LPCAT1: variants seen among roughly 807,000 people sequenced by gnomAD.
LPCAT1 encodes the protein lysophosphatidylcholine acyltransferase 1.
LPCAT1 carries 23 observed loss-of-function variants against 60.9 expected under a neutral mutation model. The observed-to-expected ratio is 0.38, with a 90% CI of 0.27 to 0.53. The LOEUF (loss-of-function observed/expected upper bound fraction) is 0.53, where lower values mean the gene tolerates loss of function less well. LPCAT1 is among the 20% of genes least tolerant of loss of function. LPCAT1 has a pLI of 0.82. For synonymous variants in LPCAT1, 340 were observed against 301.1 expected (o/e 1.13, Z -1.34); for missense variants, 622 against 723.6 (o/e 0.86, Z 1.61).
chr5:1,467,686 G>A (rs1014251327), intron 12 of LPCAT1, among the ~76,000 whole-genome samples: 11 of 151,004 alleles, frequency 7.3e-5, no homozygotes, highest in African/African-American at 2.5e-4. Context: ...CTCCCTGTGG[G>A]GTGCAGGGTC....
rs749475333 is a variant in LPCAT1 at position 1,501,451 on chromosome 5, C to T, written c.278+10G>A. ...CCCCAGGAGGAGAGCACGGCACACG[C>T]GCAACTTACTTCCTCCACAGGGCCG... On this transcript the variant is annotated intron_variant, in intron 2 of 13. Coordinates refer to ENST00000283415, the MANE Select transcript of LPCAT1 (RefSeq NM_024830.5). 25 of 1,605,158 alleles carry T rather than the reference C, an allele frequency of 1.6e-5. No homozygotes were observed. Among genetic ancestry groups the T allele is most frequent in the African/African-American group, 4.0e-5 (3 of 74,764 alleles).
chr5:1,464,874 TAC>T (rs1553991872), intron 13 of LPCAT1, among the ~76,000 whole-genome samples: 1 of 66,210 alleles, frequency 1.5e-5, no homozygotes, highest in African/African-American at 5.9e-5. Flanking sequence ...CACATGCGTG[TAC>T]ACACAAACAA....
intron 5 of LPCAT1, among the ~76,000 whole-genome samples, chr5:1,484,212 G>C (rs1267331761): frequency 2.0e-5 from 3 of 152,354 alleles, no homozygotes; most frequent in Admixed American, 6.5e-5. Flanking sequence ...GGCCCAGCTA[G>C]AGCCACAGGC....
At chr5:1,507,924 A>G (rs1327630527) in intron 1 of LPCAT1, among the ~76,000 whole-genome samples, 2 of 152,286 alleles carry the variant, frequency 1.3e-5, no homozygotes, top group Admixed American at 1.3e-4. Flanking sequence ...TCCACAAAAC[A>G]CAGCCCAAAT....
chr5:1,522,481 C>A lies in LPCAT1; in HGVS notation c.135+1229G>T, dbSNP rs1249682034. ...CGGGGGCCAGGGCCTGGGAGCCAGG[C>A]TGGGGACGACCTCACCCTGTGTGTC... On this transcript the variant is annotated intron_variant, in intron 1 of 13. Transcript: ENST00000283415. This position sits in a 1 kb window ranked among gnomAD's most constrained non-coding sequence, Gnocchi z 6.8. Among the ~76,000 whole-genome samples the A allele has an allele frequency of 6.6e-6, 1 of 152,092 alleles. No homozygotes were observed. The highest frequency in any genetic ancestry group is 6.5e-5 in the Admixed American group (1 of 15,274).
At chr5:1,490,080 A>C (rs10475026) in intron 3 of LPCAT1, among the ~76,000 whole-genome samples, 38,824 of 152,182 alleles carry the variant, frequency 0.26, 5,496 homozygotes, top group East Asian at 0.43. Flanking sequence ...CCTCAGTGCC[A>C]CAAGTAACAA....
intron 11 of LPCAT1, among the ~76,000 whole-genome samples, chr5:1,473,685 T>G (rs569193244): frequency 2.0e-5 from 3 of 152,278 alleles, no homozygotes; most frequent in Admixed American, 2.0e-4. Flanking sequence ...GGTGTCACAG[T>G]TTGATATTGT....
Position 1,521,758 on chromosome 5 carries a change from A to G in LPCAT1, c.135+1952T>C, listed in dbSNP as rs1736684528. ...CGGCCCAAGGGAGAACAGCTGCCCA[A>G]AGCCTTCAATCTCGGGACCAGGAGC... On this transcript the variant is annotated intron_variant, in intron 1 of 13. Coordinates refer to ENST00000283415, the MANE Select transcript of LPCAT1 (RefSeq NM_024830.5). The surrounding 1 kb of genome is among the most constrained non-coding windows in gnomAD (Gnocchi z 4.3). 6.6e-6 allele frequency among the ~76,000 whole-genome samples: 1 copy of G among 151,988 alleles called. No individual in the cohort carries two copies. Among genetic ancestry groups the G allele is most frequent in the Non-Finnish European group, 1.5e-5 (1 of 67,990 alleles).
chr5:1,485,492 A>C (rs1363583527), intron 5 of LPCAT1, among the ~76,000 whole-genome samples: 2 of 152,138 alleles, frequency 1.3e-5, no homozygotes, highest in Non-Finnish European at 2.9e-5. Context: ...ACTGCACAGA[A>C]ACCTCCATAT....
In LPCAT1 at chr5:1,483,834, TCGCG is replaced by T. The variant is rs1560967352; in HGVS notation, c.668-352_668-349del. On this transcript the variant is annotated intron_variant, in intron 5 of 13. Transcript: ENST00000283415. The surrounding 1 kb of genome is among the most constrained non-coding windows in gnomAD (Gnocchi z 9.2). ...TGGAGGGACACTTTCTGCTGTAACA[TCGCG>T]CACCAGCTGGAAGGCGTCTGTGGAG... Among the ~76,000 whole-genome samples, 2 of 146,814 alleles carry T rather than the reference TCGCG, an allele frequency of 1.4e-5. No homozygotes were observed. Among genetic ancestry groups the T allele is most frequent in the Admixed American group, 6.9e-5 (1 of 14,518 alleles).
intron 1 of LPCAT1, among the ~76,000 whole-genome samples, chr5:1,511,800 G>A (rs892437251): frequency 5.9e-5 from 9 of 152,212 alleles, no homozygotes; most frequent in African/African-American, 1.7e-4. Flanking sequence ...GAGGTCCATC[G>A]AGCAGCCTCA....
intron 4 of LPCAT1, 48 bp downstream of exon 4, chr5:1,489,698 T>C: frequency 7.3e-7 from 1 of 1,371,880 alleles, no homozygotes; most frequent in Non-Finnish European, 1.0e-6. Context: ...GAAGTTCGCA[T>C]CTTTCGGAAT....
chr5:1,470,892 A>G lies in LPCAT1; in HGVS notation c.1212T>C (p.Cys404=), dbSNP rs759785823. 5 of 1,613,338 alleles carry G rather than the reference A, an allele frequency of 3.1e-6. No homozygotes were observed. In the Admixed American group the frequency reaches 6.7e-5, roughly 22 times the overall value. The change falls in exon 12 of 14, where the codon TGT becomes TGC. Residue 404 remains cysteine (C), a synonymous_variant. Transcript: ENST00000283415. ...GGCAGACGACAGACAGGGCAACCAC[A>G]CACTCTCGCAGGTCCACCTCGCCGC... The part of the protein sequence containing the change: ...SGSGEVDLRE[C]VVALSVVCRP...
At chr5:1,518,457 C>G (rs1254010516) in intron 1 of LPCAT1, among the ~76,000 whole-genome samples, 1 of 152,342 alleles carries the variant, frequency 6.6e-6, no homozygotes, top group African/African-American at 2.4e-5. Context: ...TCTCCTGCCT[C>G]AGCCTCCTGG....
In LPCAT1 at chr5:1,480,395, C is replaced by A. The variant is rs1241181975; in HGVS notation, c.761+547G>T. 2 of 985,200 alleles carry A rather than the reference C, an allele frequency of 2.0e-6. No individual in the cohort carries two copies. The highest frequency in any genetic ancestry group is 3.5e-5 in the African/African-American group (2 of 57,214). The allele number at this position is 985,200 out of a possible 1,614,324, so 61.0% of individuals were successfully genotyped here. ...GGACTTTCCCGCTCCCTCTGCCCTCCCGACGTCAGCTCAGACGTCAGCACC... is the reference window on the plus strand; with the variant it reads ...GGACTTTCCCGCTCCCTCTGCCCTCACGACGTCAGCTCAGACGTCAGCACC... On this transcript the variant is annotated intron_variant, in intron 7 of 13. Transcript: ENST00000283415. The surrounding 1 kb of genome is among the most constrained non-coding windows in gnomAD (Gnocchi z 6.4).
intron 5 of LPCAT1, among the ~76,000 whole-genome samples, chr5:1,485,397 C>A (rs1182166116): frequency 6.6e-6 from 1 of 152,162 alleles, no homozygotes; most frequent in African/African-American, 2.4e-5. Flanking sequence ...AAGGGCCAGG[C>A]TGGGAGAAAC....
chr5:1,503,448 A>T (rs36980), intron 1 of LPCAT1, among the ~76,000 whole-genome samples: 50,397 of 152,050 alleles, frequency 0.33, 9,260 homozygotes, highest in Middle Eastern at 0.42. Context: ...CACGTGCTGC[A>T]CCCCACTTGA....
Position 1,523,739 on chromosome 5 carries a change from G to A in LPCAT1, c.106C>T (p.Leu36=). The stretch of plus-strand genomic sequence containing the variant: ...GCCTTCTGCAGGGCGCTGAGGCGCA[G>A]CTCGTGCACGAAGGGGTTCCGCCCC... ...PPGRNPFVHE[L]RLSALQKAQV... is the part of the protein sequence containing the mutation. Residue 36 remains leucine, a synonymous_variant, in exon 1 of 14, where the codon CTG becomes TTG. Transcript: ENST00000283415. This position sits in a 1 kb window ranked among gnomAD's most constrained non-coding sequence, Gnocchi z 7.1. 3 of 1,176,128 alleles carry A rather than the reference G, an allele frequency of 2.6e-6. No homozygotes were observed. Among genetic ancestry groups the A allele is most frequent in the South Asian group, 2.3e-5 (1 of 44,034 alleles). 72.9% of individuals were successfully genotyped at this position (1,176,128 alleles called of 1,614,324 possible). A position where few individuals can be genotyped will look rare whatever the true frequency, so the allele number is the denominator to read the frequency against.
chr5:1,522,965 G>A lies in LPCAT1; in HGVS notation c.135+745C>T, dbSNP rs573189110. On this transcript the variant is annotated intron_variant, in intron 1 of 13. Transcript: ENST00000283415. This position sits in a 1 kb window ranked among gnomAD's most constrained non-coding sequence, Gnocchi z 6.8. ...GGTCTCCCCTCACCACTGTCCCATC[G>A]CAGGATCTCAGCAAACCGTTCCCTC... Among the ~76,000 whole-genome samples, 1 of 152,104 alleles carries A rather than the reference G, an allele frequency of 6.6e-6. No homozygotes were observed. Among genetic ancestry groups the A allele is most frequent in the Non-Finnish European group, 1.5e-5 (1 of 68,004 alleles).
Sources: allele counts gnomAD v4.1 joint callset (sites outside exome capture counted in the v4.1 genomes callset), GRCh38; gene constraint gnomAD v4.1.1; non-coding constraint Gnocchi (gnomAD v3.1); transcripts MANE v1.5; gene names NCBI Gene and HGNC (gene_info 2026-07-23, HGNC 2026-07-21).